PBX4: variants seen among roughly 807,000 people sequenced by gnomAD.
PBX4 encodes PBX homeobox 4, also known as pre-B-cell leukemia transcription factor 4.
PBX4 carries 26 observed loss-of-function variants against 35.1 expected under a neutral mutation model. The ratio of observed to expected loss-of-function variants is 0.74; its 90% CI spans 0.54 to 1.03. PBX4 has a LOEUF of 1.03. PBX4 is among the 50% of genes least tolerant of loss of function. The pLI, the probability that PBX4 is intolerant of heterozygous loss-of-function variation, is 0.00. For missense variants in PBX4, 448 were observed against 504.3 expected (o/e 0.89, Z 1.07); for synonymous variants, 199 against 204.2 (o/e 0.97, Z 0.22).
At chr19:19,582,625 T>C (rs890922326) in intron 2 of PBX4, among the ~76,000 whole-genome samples, 4 of 152,128 alleles carry the variant, frequency 2.6e-5, no homozygotes, top group Non-Finnish European at 4.4e-5. Context: ...CATGCCCACA[T>C]GTGATCCGAT....
At chr19:19,594,960 G>A (rs2144762098) in intron 2 of PBX4, among the ~76,000 whole-genome samples, 1 of 152,328 alleles carries the variant, frequency 6.6e-6, no homozygotes, top group South Asian at 2.1e-4. Flanking sequence ...GATCTCAGGT[G>A]GTCCAACTGC....
At chr19:19,608,522 G>A (rs998181074) in intron 1 of PBX4, 4 of 152,288 alleles carry the variant, frequency 2.6e-5, no homozygotes, top group African/African-American at 9.7e-5. Flanking sequence ...CAAACCGCGT[G>A]CTCACTCCTT....
intron 2 of PBX4, among the ~76,000 whole-genome samples, chr19:19,574,594 G>A (rs2061407405): frequency 6.6e-6 from 1 of 151,728 alleles, no homozygotes; most frequent in Non-Finnish European, 1.5e-5. Flanking sequence ...TTATTAGCTG[G>A]CAGACAGCCT....
At chr19:19,604,986 G>A (rs1050513076) in intron 1 of PBX4, among the ~76,000 whole-genome samples, 1 of 151,650 alleles carries the variant, frequency 6.6e-6, no homozygotes, top group Non-Finnish European at 1.5e-5. Context: ...CCATAGAAGT[G>A]GTATTAACAT....
Position 19,563,391 on chromosome 19 carries a change from G to A in PBX4, c.1032+118C>T. 2.6e-6 allele frequency: 2 copies of A among 763,714 alleles called. No individual in the cohort carries two copies. The highest frequency in any genetic ancestry group is 1.9e-5 in the South Asian group (1 of 52,158). The allele number at this position is 763,714 out of a possible 1,614,324, so 47.3% of individuals were successfully genotyped here. A position where few individuals can be genotyped will look rare whatever the true frequency, so the allele number is the denominator to read the frequency against. Reference sequence around the variant, plus strand: ...CAGAGGTGGCCGCGCAGCATGGCCTGTGTGGCTGCTGGGACCTCTGGGGAA... The same window carrying A: ...CAGAGGTGGCCGCGCAGCATGGCCTATGTGGCTGCTGGGACCTCTGGGGAA... On this transcript the variant is annotated intron_variant, in intron 7 of 7. Coordinates refer to ENST00000251203, the MANE Select transcript of PBX4 (RefSeq NM_025245.3). This position sits in a 1 kb window ranked among gnomAD's most constrained non-coding sequence, Gnocchi z 5.1.
chr19:19,563,611 G>C lies in PBX4; in HGVS notation c.930C>G (p.Ser310=). The change falls in exon 7 of 8, where the codon TCC becomes TCG. Residue 310 remains serine (S), a synonymous_variant. Coordinates refer to ENST00000251203, the MANE Select transcript of PBX4 (RefSeq NM_025245.3). The surrounding 1 kb of genome is among the most constrained non-coding windows in gnomAD (Gnocchi z 5.1). ...ASCLSTPSSG[S]SGPFPLPSAG... ...CGCTGGGCAGCGGGAAGGGTCCAGA[G>C]GAGCCTGGAAGAGATGGGAGCCGGG... The C allele has an allele frequency of 6.5e-7, 1 of 1,549,416 alleles. No individual in the cohort carries two copies. The highest frequency in any genetic ancestry group is 8.7e-7 in the Non-Finnish European group (1 of 1,146,774).
intron 4 of PBX4, 106 bp downstream of exon 4, chr19:19,570,003 G>T: frequency 8.3e-7 from 1 of 1,201,134 alleles, no homozygotes; most frequent in South Asian, 1.7e-5. Context: ...CTCCAACCGT[G>T]ACTGCAGACA....
intron 1 of PBX4, among the ~76,000 whole-genome samples, chr19:19,601,458 G>A (rs1280255821): frequency 1.3e-5 from 2 of 152,128 alleles, no homozygotes; most frequent in African/African-American, 4.8e-5. Context: ...GGGAACTATG[G>A]TTGGCAGGAT....
chr19:19,575,042 C>A (rs2061410532), intron 2 of PBX4, among the ~76,000 whole-genome samples: 1 of 151,866 alleles, frequency 6.6e-6, no homozygotes, highest in Non-Finnish European at 1.5e-5. Flanking sequence ...ACCATCCTGG[C>A]TAACACGGTG....
At position 19,570,359 on chromosome 19, in the gene PBX4, C is replaced by T. The variant is rs373505431; in HGVS notation, c.442-60G>A. 3 of 1,533,858 alleles carry T rather than the reference C, an allele frequency of 2.0e-6. No individual in the cohort carries two copies. In the African/African-American group the frequency reaches 4.1e-5, roughly 21 times the overall value. ...TAGGCAGCAGGGTGGCACAGGGCAG[C>T]AGGTTCCACAGCGGAGCAGCCGCCT... On this transcript the variant is annotated intron_variant, in intron 3 of 7. Transcript: ENST00000251203.
chr19:19,591,015 C>T (rs1599364721), intron 2 of PBX4, among the ~76,000 whole-genome samples: 2 of 152,016 alleles, frequency 1.3e-5, no homozygotes, highest in South Asian at 4.2e-4. Context: ...TGTAAACAGC[C>T]CTGCGTTGAG....
chr19:19,601,960 G>A (rs1167850141), intron 1 of PBX4, among the ~76,000 whole-genome samples: 5 of 152,132 alleles, frequency 3.3e-5, no homozygotes, highest in Non-Finnish European at 7.3e-5. Context: ...GCAACATGGC[G>A]AGACAATGAG....
intron 1 of PBX4, among the ~76,000 whole-genome samples, chr19:19,605,463 A>ATAATAC (rs2061625221): frequency 6.7e-6 from 1 of 149,240 alleles, no homozygotes; most frequent in Non-Finnish European, 1.5e-5. Context: ...AATAATAATA[A>ATAATAC]TACAAAAAGT....
rs1263687207 is a variant in PBX4, at chr19:19,562,858, T to TG, written c.1032+650dup. Among the ~76,000 whole-genome samples, 1 of 152,186 alleles carries TG rather than the reference T, an allele frequency of 6.6e-6. No individual in the cohort carries two copies. Among genetic ancestry groups the TG allele is most frequent in the Non-Finnish European group, 1.5e-5 (1 of 67,950 alleles). On this transcript the variant is annotated intron_variant, in intron 7 of 7. Transcript: ENST00000251203. This position sits in a 1 kb window ranked among gnomAD's most constrained non-coding sequence, Gnocchi z 4.8. ...TCCCTGGCTGGGGGCTGCATGGTGA[T>TG]GGGGGGCAGCTGCCACAGCAGGACA...
In PBX4 at chr19:19,562,041, G is replaced by C. The variant is rs750067213; in HGVS notation, c.1109C>G (p.Ser370Cys). Residue 370 changes from serine to cysteine, a missense_variant, in exon 8 of 8, where the codon TCC becomes TGC. Transcript: ENST00000251203. The surrounding 1 kb of genome is among the most constrained non-coding windows in gnomAD (Gnocchi z 4.8). ...SPAGDPGSIN[S>C]STSN ...CCCCCAAACTTAATTAGATGTACTG[G>C]AGTTGATGCTGCCAGGGTCTCCAGC... The C allele has an allele frequency of 1.9e-6, 3 of 1,613,074 alleles. No homozygotes were observed. The highest frequency in any genetic ancestry group is 1.6e-4 in the Middle Eastern group (1 of 6,082).
At chr19:19,601,869 T>C (rs918437676) in intron 1 of PBX4, among the ~76,000 whole-genome samples, 5 of 152,124 alleles carry the variant, frequency 3.3e-5, no homozygotes, top group Non-Finnish European at 7.3e-5. Context: ...GTAAAATCGG[T>C]GGCTCATGCC....
intron 1 of PBX4, among the ~76,000 whole-genome samples, chr19:19,601,365 G>A (rs2061596303): frequency 6.6e-6 from 1 of 152,164 alleles, no homozygotes. Context: ...AGAGAGCTAC[G>A]AGAAGTTAGA....
intron 2 of PBX4, among the ~76,000 whole-genome samples, chr19:19,594,261 C>T (rs550701043): frequency 9.2e-5 from 14 of 151,768 alleles, no homozygotes; most frequent in Admixed American, 7.2e-4. Context: ...AAAAATTAGC[C>T]GGGTGTGGTG....
rs546626234 is a variant in PBX4, at chr19:19,572,030, C to CAA, written c.194-1199_194-1198dup. 1.1e-3 allele frequency among the ~76,000 whole-genome samples: 67 copies of CAA among 59,820 alleles called. No individual in the cohort carries two copies. In the South Asian group the frequency reaches 0.019, roughly 17 times the overall value. The allele number at this position is 59,820 out of a possible 152,430, so 39.2% of individuals were successfully genotyped here. On this transcript the variant is annotated intron_variant, in intron 2 of 7. Coordinates refer to ENST00000251203, the MANE Select transcript of PBX4 (RefSeq NM_025245.3). ...CTGGGGGGATAGAGAGACCCCGTCTCAAAAAAAAAAAAAAAAAAAAGTGTT... is the reference window on the plus strand; with the variant it reads ...CTGGGGGGATAGAGAGACCCCGTCTCAAAAAAAAAAAAAAAAAAAAAAGTGTT...
Sources: allele counts gnomAD v4.1 joint callset (sites outside exome capture counted in the v4.1 genomes callset), GRCh38; gene constraint gnomAD v4.1.1; non-coding constraint Gnocchi (gnomAD v3.1); transcripts MANE v1.5; gene names NCBI Gene and HGNC (gene_info 2026-07-23, HGNC 2026-07-21).